PELI2: variants seen among roughly 807,000 people sequenced by gnomAD.
PELI2 encodes the protein pellino E3 ubiquitin protein ligase family member 2.
A neutral mutation model predicts 42.3 loss-of-function variants in PELI2; 23 were observed. That is an observed-to-expected ratio of 0.54 (90% CI 0.39 to 0.77). The LOEUF (loss-of-function observed/expected upper bound fraction) is 0.77. Ranked by LOEUF, PELI2 falls within the 30% of genes least tolerant of loss-of-function variation. The pLI, the probability that PELI2 is intolerant of heterozygous loss-of-function variation, is 0.00. For missense variants in PELI2, 463 were observed against 553.2 expected (o/e 0.84, Z 1.64); for synonymous variants, 245 against 212.2 (o/e 1.15, Z -1.34).
rs149235972 is a variant in PELI2 at position 56,187,004 on chromosome 14, C to A, written c.207+8540C>A. Reference sequence around the variant, plus strand: ...GCAAATTAAAAAAACAAACATGGAGCATTAAAGTTCGAAGGAACTTTATTC... The same window carrying A: ...GCAAATTAAAAAAACAAACATGGAGAATTAAAGTTCGAAGGAACTTTATTC... On this transcript the variant is annotated intron_variant, in intron 2 of 5. Transcript: ENST00000267460. Among the ~76,000 whole-genome samples the A allele has an allele frequency of 1.3e-3, 202 of 152,204 alleles. 1 individual carries two copies. Among genetic ancestry groups the A allele is most frequent in the Middle Eastern group, 3.4e-3 (1 of 294 alleles).
intron 2 of PELI2, among the ~76,000 whole-genome samples, chr14:56,262,345 TTAA>T (rs1255665391): frequency 6.6e-6 from 1 of 152,220 alleles, no homozygotes; most frequent in Non-Finnish European, 1.5e-5. Flanking sequence ...TCATATTGAC[TTAA>T]TAATGAATTA....
chr14:56,214,349 T>C (rs1329447044), intron 2 of PELI2, among the ~76,000 whole-genome samples: 2 of 152,100 alleles, frequency 1.3e-5, no homozygotes, highest in African/African-American at 4.8e-5. Flanking sequence ...TGATGCTACT[T>C]TTTTGCTCTG....
At chr14:56,153,849 A>T (rs1471132290) in intron 1 of PELI2, among the ~76,000 whole-genome samples, 1 of 152,156 alleles carries the variant, frequency 6.6e-6, no homozygotes, top group Non-Finnish European at 1.5e-5. Flanking sequence ...GAATGTAGGT[A>T]TTTAACAATT....
At position 56,145,223 on chromosome 14, in the gene PELI2, C is replaced by G. The variant is rs192834867; in HGVS notation, c.77+26486C>G. 1.5e-4 allele frequency among the ~76,000 whole-genome samples: 23 copies of G among 152,076 alleles called. 1 individual carries two copies. In the East Asian group the frequency reaches 4.4e-3, roughly 29 times the overall value. ...GGAGAGAGAGTGAAGGGGAAGGTGC[C>G]GTATACTTTTAAACAACCAGATCTC... On this transcript the variant is annotated intron_variant, in intron 1 of 5. Coordinates refer to ENST00000267460, the MANE Select transcript of PELI2 (RefSeq NM_021255.3).
chr14:56,240,370 T>C lies in PELI2; in HGVS notation c.208-39306T>C, dbSNP rs117401500. On this transcript the variant is annotated intron_variant, in intron 2 of 5. Transcript: ENST00000267460. ...TAGAAATGACCAACTGGGTAAATGA[T>C]TGGATGTGGGGCTTAAGGAAAGGGA... is the stretch of plus-strand genomic sequence containing the variant. Among the ~76,000 whole-genome samples the C allele has an allele frequency of 5.9e-3, 894 of 151,904 alleles. 5 individuals carry two copies. Among genetic ancestry groups the C allele is most frequent in the Non-Finnish European group, 8.3e-3 (565 of 67,926 alleles).
rs186818735 is a variant in PELI2 at position 56,139,532 on chromosome 14, C to A, written c.77+20795C>A. ...TTGTTTACTTTTCCTTTTCATTCTT[C>A]TTCTTTGGGTACGTTTTACATTATG... On this transcript the variant is annotated intron_variant, in intron 1 of 5. Transcript: ENST00000267460. Among the ~76,000 whole-genome samples, 8 of 152,050 alleles carry A rather than the reference C, an allele frequency of 5.3e-5. No individual in the cohort carries two copies. In the East Asian group the frequency reaches 1.5e-3, roughly 29 times the overall value.
chr14:56,188,724 A>AT (rs1885857135), intron 2 of PELI2, among the ~76,000 whole-genome samples: 2 of 152,292 alleles, frequency 1.3e-5, no homozygotes, highest in African/African-American at 4.8e-5. Flanking sequence ...TTGATTATAT[A>AT]TTTTTTAAAT....
At chr14:56,208,718 G>C (rs1015904654) in intron 2 of PELI2, among the ~76,000 whole-genome samples, 10 of 152,172 alleles carry the variant, frequency 6.6e-5, no homozygotes, top group African/African-American at 2.4e-4. Context: ...GAAGTACATA[G>C]ATAGAACTTT....
chr14:56,266,777 A>C (rs983032100), intron 2 of PELI2, among the ~76,000 whole-genome samples: 1 of 152,080 alleles, frequency 6.6e-6, no homozygotes, highest in African/African-American at 2.4e-5. Context: ...CTGTATGCAA[A>C]ACGAATATCT....
intron 1 of PELI2, among the ~76,000 whole-genome samples, chr14:56,128,338 A>C (rs1883355812): frequency 6.6e-6 from 1 of 152,314 alleles, no homozygotes; most frequent in Middle Eastern, 3.4e-3. Flanking sequence ...TGGGCATACT[A>C]TATGCCAGGT....
intron 2 of PELI2, among the ~76,000 whole-genome samples, chr14:56,232,274 C>T (rs543444494): frequency 2.8e-4 from 42 of 152,180 alleles, no homozygotes; most frequent in African/African-American, 9.9e-4. Context: ...CCAGCATCAT[C>T]CTGATGCCAA....
At chr14:56,224,170 A>C (rs1887257187) in intron 2 of PELI2, among the ~76,000 whole-genome samples, 1 of 152,224 alleles carries the variant, frequency 6.6e-6, no homozygotes, top group South Asian at 2.1e-4. Context: ...TAATGCCTAG[A>C]TGGCTTTCAA....
intron 2 of PELI2, among the ~76,000 whole-genome samples, chr14:56,233,954 A>G (rs535876408): frequency 1.3e-5 from 2 of 152,368 alleles, no homozygotes; most frequent in African/African-American, 4.8e-5. Flanking sequence ...ATGAACAGAT[A>G]CTTCTCAAAA....
chr14:56,271,866 A>T (rs1889117037), intron 2 of PELI2, among the ~76,000 whole-genome samples: 1 of 152,162 alleles, frequency 6.6e-6, no homozygotes, highest in Admixed American at 6.5e-5. Context: ...GAGGAGATGC[A>T]TGCTCATCCC....
intron 1 of PELI2, among the ~76,000 whole-genome samples, chr14:56,151,243 C>G (rs958022682): frequency 1.3e-5 from 2 of 152,166 alleles, no homozygotes; most frequent in Non-Finnish European, 2.9e-5. Context: ...TTATTGCTCC[C>G]TCCCTCGGCC....
intron 2 of PELI2, among the ~76,000 whole-genome samples, chr14:56,259,792 G>A (rs1227200168): frequency 6.6e-6 from 1 of 152,046 alleles, no homozygotes; most frequent in Admixed American, 6.6e-5. Flanking sequence ...GACTTGTAGG[G>A]TACAAGACCA....
chr14:56,157,243 G>A (rs926006156), intron 1 of PELI2, among the ~76,000 whole-genome samples: 1 of 152,140 alleles, frequency 6.6e-6, no homozygotes, highest in African/African-American at 2.4e-5. Context: ...TTGAGTAATT[G>A]ACCTGATTCA....
At chr14:56,145,178 C>T (rs1884069970) in intron 1 of PELI2, among the ~76,000 whole-genome samples, 2 of 152,164 alleles carry the variant, frequency 1.3e-5, no homozygotes, top group South Asian at 4.1e-4. Context: ...AAGGCAGGCA[C>T]ATCTTCACAT....
chr14:56,296,741 G>T lies in PELI2; in HGVS notation c.838G>T (p.Ala280Ser), dbSNP rs28504146. ...AGCCCTCCGGCAGGAGATTAACGCC[G>T]CCCGGCCTCAGTGTCCTGTGGGGCT... ...IEALRQEINA[A>S]RPQCPVGLNT... The change falls in exon 6 of 6, where the codon GCC (alanine) becomes TCC (serine). Residue 280 changes from alanine to serine, a missense_variant. Transcript: ENST00000267460. 1 of 1,614,038 alleles carries T rather than the reference G, an allele frequency of 6.2e-7. No individual in the cohort carries two copies. The highest frequency in any genetic ancestry group is 2.2e-5 in the East Asian group (1 of 44,860).
Sources: gnomAD v4.1 joint callset for allele counts (sites outside exome capture counted in the v4.1 genomes callset) on GRCh38, gnomAD v4.1.1 for gene constraint, MANE v1.5 for transcripts, NCBI Gene and HGNC (gene_info 2026-07-23, HGNC 2026-07-21) for gene names.